Variants in WWOX observed in about 807,000 individuals in gnomAD.
The protein encoded by WWOX is WW domain-containing oxidoreductase.
A neutral mutation model predicts 46.2 loss-of-function variants in WWOX; 69 were observed. The observed-to-expected ratio is 1.49, with a 90% CI of 1.23 to 1.82. The LOEUF (loss-of-function observed/expected upper bound fraction) is 1.82, where lower values mean the gene tolerates loss of function less well. WWOX is among the 40% of genes most tolerant of loss of function. WWOX has a pLI of 0.00. For missense variants in WWOX, 919 were observed against 542.6 expected, an observed-to-expected ratio of 1.69 and a Z score of -6.89; for synonymous variants, 359 against 202.6, an observed-to-expected ratio of 1.77 and a Z score of -6.56.
At chr16:78,490,548 C>A (rs148867821) in intron 8 of WWOX, among the ~76,000 whole-genome samples, 4 of 152,148 alleles carry the variant, frequency 2.6e-5, no homozygotes, top group African/African-American at 9.7e-5. Context: ...TTTCAGACTT[C>A]TGGCTTGTTG....
At chr16:78,691,864 C>T (rs796485849) in intron 8 of WWOX, among the ~76,000 whole-genome samples, 2 of 152,168 alleles carry the variant, frequency 1.3e-5, no homozygotes, top group African/African-American at 4.8e-5. Flanking sequence ...AGAATTCCCA[C>T]ATGTTGTGGG....
At chr16:78,726,225 C>T (rs2048833487) in intron 8 of WWOX, among the ~76,000 whole-genome samples, 1 of 145,486 alleles carries the variant, frequency 6.9e-6, no homozygotes, top group East Asian at 2.0e-4. Flanking sequence ...TCCTTCCTTC[C>T]TTTTTTCTTC....
chr16:78,633,888 T>C (rs1041272549), intron 8 of WWOX, among the ~76,000 whole-genome samples: 1 of 151,184 alleles, frequency 6.6e-6, no homozygotes, highest in African/African-American at 2.4e-5. Flanking sequence ...GGAGGAACCA[T>C]CTGAGGTGTT....
intron 8 of WWOX, among the ~76,000 whole-genome samples, chr16:78,913,627 AC>A (rs1567644892): frequency 1.4e-5 from 2 of 147,390 alleles, no homozygotes; most frequent in Non-Finnish European, 3.0e-5. Flanking sequence ...AGCAAGCATT[AC>A]CCCAACCAAT....
At chr16:78,428,211 C>T (rs1344567765) in intron 7 of WWOX, among the ~76,000 whole-genome samples, 1 of 152,224 alleles carries the variant, frequency 6.6e-6, no homozygotes, top group Non-Finnish European at 1.5e-5. Flanking sequence ...AGGGAAAATT[C>T]TATTAAGACA....
chr16:78,788,988 G>C (rs1418456332), intron 8 of WWOX, among the ~76,000 whole-genome samples: 1 of 152,166 alleles, frequency 6.6e-6, no homozygotes, highest in Non-Finnish European at 1.5e-5. Flanking sequence ...TAAATGATTT[G>C]CAAACATTTT....
chr16:78,606,722 T>TG (rs1375824720), intron 8 of WWOX, among the ~76,000 whole-genome samples: 3 of 142,948 alleles, frequency 2.1e-5, no homozygotes, highest in African/African-American at 7.5e-5. Context: ...ATTGCAGTTT[T>TG]TTTTTTTTTT....
chr16:79,042,868 G>A (rs529323930), intron 8 of WWOX, among the ~76,000 whole-genome samples: 66 of 152,018 alleles, frequency 4.3e-4, no homozygotes, highest in Middle Eastern at 6.8e-3. Flanking sequence ...AATTAAAATA[G>A]CTTTTATTGC....
At chr16:78,557,902 G>A (rs2044345187) in intron 8 of WWOX, among the ~76,000 whole-genome samples, 1 of 151,928 alleles carries the variant, frequency 6.6e-6, no homozygotes, top group Non-Finnish European at 1.5e-5. Flanking sequence ...TCACCAGGTT[G>A]GCCAGGCTGC....
chr16:78,702,120 A>ATATATATATATATATATATTTATTTATT (rs1207718237), intron 8 of WWOX, among the ~76,000 whole-genome samples: 20 of 130,016 alleles, frequency 1.5e-4, no homozygotes, highest in African/African-American at 5.9e-4. Context: ...ATATATATAT[A>ATATATATATATATATATATTTATTTATT]TATTTATTTA....
chr16:78,902,387 C>T (rs1361219296), intron 8 of WWOX, among the ~76,000 whole-genome samples: 5 of 152,208 alleles, frequency 3.3e-5, no homozygotes, highest in African/African-American at 9.7e-5. Context: ...ACCTCAAGGA[C>T]AAGGGGACGG....
chr16:78,912,658 C>G (rs570378221), intron 8 of WWOX, among the ~76,000 whole-genome samples: 1 of 152,036 alleles, frequency 6.6e-6, no homozygotes, highest in East Asian at 1.9e-4. Context: ...CCCTTTAATT[C>G]TCATTTAAGT....
Position 78,571,829 on chromosome 16 carries a change from A to G in WWOX, c.1056+139077A>G, listed in dbSNP as rs2044722604. ...TGTAGTGAGCTGAGATGTCGCCACT[A>G]TACTCTAGCCTGGGCAACAGAGCTA... On this transcript the variant is annotated intron_variant, in intron 8 of 8. Coordinates refer to ENST00000566780, the MANE Select transcript of WWOX (RefSeq NM_016373.4). 2.0e-5 allele frequency among the ~76,000 whole-genome samples: 3 copies of G among 152,174 alleles called. No individual in the cohort carries two copies. In the South Asian group the frequency reaches 6.2e-4, roughly 32 times the overall value.
At chr16:78,379,679 C>G (rs559522535) in intron 5 of WWOX, among the ~76,000 whole-genome samples, 47 of 152,286 alleles carry the variant, frequency 3.1e-4, no homozygotes, top group African/African-American at 1.1e-3. Flanking sequence ...AGACCAACTA[C>G]TTGGGTTCAC....
At chr16:78,734,071 AC>A (rs1567523742) in intron 8 of WWOX, among the ~76,000 whole-genome samples, 1 of 151,818 alleles carries the variant, frequency 6.6e-6, no homozygotes, top group Non-Finnish European at 1.5e-5. Context: ...AAAAAAAAAA[AC>A]ACAAAAAACT....
intron 5 of WWOX, among the ~76,000 whole-genome samples, chr16:78,272,714 C>T (rs2079502816): frequency 6.6e-6 from 1 of 151,950 alleles, no homozygotes; most frequent in Non-Finnish European, 1.5e-5. Context: ...CACAACGTTC[C>T]CATTTTTACC....
chr16:78,686,519 AAAAG>A (rs1204141892), intron 8 of WWOX, among the ~76,000 whole-genome samples: 1 of 151,914 alleles, frequency 6.6e-6, no homozygotes, highest in Non-Finnish European at 1.5e-5. Context: ...TCAAAAAAAA[AAAAG>A]AAATCTGTTA....
At chr16:78,922,125 G>A (rs576762061) in intron 8 of WWOX, among the ~76,000 whole-genome samples, 9 of 152,228 alleles carry the variant, frequency 5.9e-5, no homozygotes, top group African/African-American at 1.4e-4. Flanking sequence ...TTGGGTCTTC[G>A]TTGCGTAGGT....
intron 8 of WWOX, among the ~76,000 whole-genome samples, chr16:78,789,509 T>A (rs2142585669): frequency 6.6e-6 from 1 of 152,352 alleles, no homozygotes; most frequent in East Asian, 1.9e-4. Flanking sequence ...TTGATCTGTA[T>A]GCCTGTCCTT....
Sources: gnomAD v4.1 joint callset for allele counts (sites outside exome capture counted in the v4.1 genomes callset) on GRCh38, gnomAD v4.1.1 for gene constraint, MANE v1.5 for transcripts, NCBI Gene and HGNC (gene_info 2026-07-23, HGNC 2026-07-21) for gene names.